Variants in QSOX2 observed in about 807,000 individuals in gnomAD.
QSOX2 encodes sulfhydryl oxidase 2.
A neutral mutation model predicts 61.7 loss-of-function variants in QSOX2; 46 were observed. That is an observed-to-expected ratio of 0.75 (90% CI 0.59 to 0.95). The LOEUF is 0.95. Among genes scored for constraint, QSOX2 ranks in the 40% least tolerant of loss-of-function variants. QSOX2 has a pLI of 0.00. For missense variants in QSOX2, 879 were observed against 918.9 expected, an observed-to-expected ratio of 0.96 and a Z score of 0.56; for synonymous variants, 383 against 388.4, an observed-to-expected ratio of 0.99 and a Z score of 0.16.
In QSOX2 at chr9:136,209,911, T is replaced by G; in HGVS notation, c.1550-636A>C. ...TTCCAGGCCCAACAGGCATCCGTCA[T>G]GCAGAAGCTGCGGCGCACGGCGCCT... On this transcript the variant is annotated intron_variant, in intron 11 of 11. Transcript: ENST00000358701. The surrounding 1 kb of genome is among the most constrained non-coding windows in gnomAD (Gnocchi z 5.6). 3.0e-6 allele frequency: 3 copies of G among 985,398 alleles called. No homozygotes were observed. The highest frequency in any genetic ancestry group is 3.6e-6 in the Non-Finnish European group (3 of 829,926). 61.0% of individuals were successfully genotyped at this position (985,398 alleles called of 1,614,324 possible). A position where few individuals can be genotyped will look rare whatever the true frequency, so the allele number is the denominator to read the frequency against.
intron 1 of QSOX2, among the ~76,000 whole-genome samples, chr9:136,236,572 G>A (rs1207984852): frequency 6.6e-6 from 1 of 151,946 alleles, no homozygotes; most frequent in Non-Finnish European, 1.5e-5. Flanking sequence ...AAAACCCAGC[G>A]TGCGCCCCGA....
At chr9:136,231,610 G>A (rs1349416048) in intron 1 of QSOX2, among the ~76,000 whole-genome samples, 1 of 152,244 alleles carries the variant, frequency 6.6e-6, no homozygotes. Flanking sequence ...CAGTGCTCAG[G>A]GGCTTGTGCG....
intron 1 of QSOX2, among the ~76,000 whole-genome samples, chr9:136,239,848 G>A (rs759660021): frequency 6.6e-6 from 1 of 152,250 alleles, no homozygotes; most frequent in Non-Finnish European, 1.5e-5. Context: ...CTGAACAGGC[G>A]CCAGGAGTAC....
rs138392420 is a variant in QSOX2 at position 136,209,947 on chromosome 9, G to A, written c.1550-672C>T. On this transcript the variant is annotated intron_variant, in intron 11 of 11. Coordinates refer to ENST00000358701, the MANE Select transcript of QSOX2 (RefSeq NM_181701.4). This position sits in a 1 kb window ranked among gnomAD's most constrained non-coding sequence, Gnocchi z 5.6. ...CGGCGCACGGCGCCTCCTAGCTCTCGGAGCCCCTGCGACCCGACTTGCTGA... is the reference window on the plus strand; with the variant it reads ...CGGCGCACGGCGCCTCCTAGCTCTCAGAGCCCCTGCGACCCGACTTGCTGA... 21,478 of 985,338 alleles carry A rather than the reference G, an allele frequency of 0.022. 233 individuals are homozygous for A. Among genetic ancestry groups the A allele is most frequent in the Middle Eastern group, 0.033 (63 of 1,914 alleles). The allele number at this position is 985,338 out of a possible 1,614,324, so 61.0% of individuals were successfully genotyped here.
chr9:136,218,562 A>C, intron 8 of QSOX2, 117 bp downstream of exon 8: 1 of 1,265,248 alleles, frequency 7.9e-7, no homozygotes, highest in Non-Finnish European at 1.1e-6. Context: ...CGACAAAGCA[A>C]GGTGGAGAGC....
At chr9:136,226,697 A>G (rs957382485) in intron 2 of QSOX2, 77 bp downstream of exon 2, 3 of 1,202,822 alleles carry the variant, frequency 2.5e-6, no homozygotes, top group Non-Finnish European at 3.7e-6. Flanking sequence ...TTCAACAGAC[A>G]AGCAGCCGCG....
At position 136,223,727 on chromosome 9, in the gene QSOX2, CACGTGTGA is replaced by C. The variant is rs757133855; in HGVS notation, c.675+28_675+35del. 6.5e-7 allele frequency: 1 copy of C among 1,545,268 alleles called. No homozygotes were observed. Among genetic ancestry groups the C allele is most frequent in the South Asian group, 1.1e-5 (1 of 89,030 alleles). ...GATCCACCGCCAACCCCAATCACACCACGTGTGACACCTGGAGCCCACGCAGAGGCCGT... is the reference window on the plus strand; with the variant it reads ...GATCCACCGCCAACCCCAATCACACCCACCTGGAGCCCACGCAGAGGCCGT... On this transcript the variant is annotated intron_variant, in intron 5 of 11. Coordinates refer to ENST00000358701, the MANE Select transcript of QSOX2 (RefSeq NM_181701.4). This position sits in a 1 kb window ranked among gnomAD's most constrained non-coding sequence, Gnocchi z 4.4.
intron 1 of QSOX2, among the ~76,000 whole-genome samples, chr9:136,241,771 C>A (rs1490775265): frequency 6.6e-6 from 1 of 152,236 alleles, no homozygotes; most frequent in African/African-American, 2.4e-5. Flanking sequence ...ACAACATAAG[C>A]GTTCCCGCCC....
intron 1 of QSOX2, among the ~76,000 whole-genome samples, chr9:136,239,218 C>T (rs2131070073): frequency 6.6e-6 from 1 of 152,336 alleles, no homozygotes; most frequent in Non-Finnish European, 1.5e-5. Context: ...GGTCTCACTC[C>T]GTCACCCAGG....
At chr9:136,215,442 A>G (rs1831901020) in intron 9 of QSOX2, 138 bp from the exon 10 acceptor site, 1 of 821,554 alleles carries the variant, frequency 1.2e-6, no homozygotes, top group South Asian at 1.8e-5. Flanking sequence ...AACTGTACAC[A>G]TAAGATCTGT....
intron 10 of QSOX2, among the ~76,000 whole-genome samples, chr9:136,213,996 T>A (rs1314989796): frequency 6.6e-6 from 1 of 152,218 alleles, no homozygotes; most frequent in African/African-American, 2.4e-5. Flanking sequence ...AGCCCCAGCA[T>A]TTTAGGTTAG....
At chr9:136,224,837 A>C (rs1345775410) in intron 3 of QSOX2, 24 bp downstream of exon 3, 1 of 1,540,550 alleles carries the variant, frequency 6.5e-7, no homozygotes, top group Non-Finnish European at 8.9e-7. Flanking sequence ...CTCAGGGACT[A>C]AAATACAATG....
chr9:136,236,692 A>C (rs1382000725), intron 1 of QSOX2, among the ~76,000 whole-genome samples: 1 of 151,364 alleles, frequency 6.6e-6, no homozygotes, highest in Non-Finnish European at 1.5e-5. Context: ...GCGACACCTG[A>C]AGCCAGTCCT....
Position 136,215,153 on chromosome 9 carries a change from C to T in QSOX2, c.1360+1G>A. On this transcript the variant is annotated splice_donor_variant, in intron 10 of 11. Transcript: ENST00000358701. LOFTEE classifies it high-confidence loss of function. Reference sequence around the variant, plus strand: ...CTCTGGCCTGTATGGGCACAGCTTACCTGTGCCAACCAGTGCATCTGGGTG... The same window carrying T: ...CTCTGGCCTGTATGGGCACAGCTTATCTGTGCCAACCAGTGCATCTGGGTG... 3 of 1,613,314 alleles carry T rather than the reference C, an allele frequency of 1.9e-6. No homozygotes were observed. Among genetic ancestry groups the T allele is most frequent in the South Asian group, 1.1e-5 (1 of 90,858 alleles).
chr9:136,223,078 A>AG lies in QSOX2; in HGVS notation c.675+684dup, dbSNP rs1830239358. 6.6e-6 allele frequency among the ~76,000 whole-genome samples: 1 copy of AG among 152,244 alleles called. No individual in the cohort carries two copies. On this transcript the variant is annotated intron_variant, in intron 5 of 11. Coordinates refer to ENST00000358701, the MANE Select transcript of QSOX2 (RefSeq NM_181701.4). This position sits in a 1 kb window ranked among gnomAD's most constrained non-coding sequence, Gnocchi z 4.4. Reference sequence around the variant, plus strand: ...CAAGTGCGTCTCCAAAAGCCCTCGCAGGGGCAAAGCTGTTTCCTACATTCA... The same window carrying AG: ...CAAGTGCGTCTCCAAAAGCCCTCGCAGGGGGCAAAGCTGTTTCCTACATTCA...
intron 2 of QSOX2, among the ~76,000 whole-genome samples, chr9:136,225,356 A>C (rs1253166702): frequency 6.6e-6 from 1 of 152,230 alleles, no homozygotes; most frequent in Non-Finnish European, 1.5e-5. Flanking sequence ...AACTTTCTTC[A>C]TCAAAGGGTA....
chr9:136,245,615 C>T lies in QSOX2; in HGVS notation c.189G>A (p.Val63=). The change falls in exon 1 of 12, where the codon GTG becomes GTA. Residue 63 remains valine (V), a synonymous_variant. Coordinates refer to ENST00000358701, the MANE Select transcript of QSOX2 (RefSeq NM_181701.4). The part of the protein sequence containing the change: ...ARLYRAGEDA[V]WVLDSGSVRG... ...GCACGCTGCCGCTGTCCAGCACCCA[C>T]ACGGCGTCCTCGCCCGCGCGGTACA... The T allele has an allele frequency of 6.5e-7, 1 of 1,546,300 alleles. No individual in the cohort carries two copies. The highest frequency in any genetic ancestry group is 8.6e-7 in the Non-Finnish European group (1 of 1,157,012).
At chr9:136,243,600 AC>A (rs1830449019) in intron 1 of QSOX2, among the ~76,000 whole-genome samples, 1 of 152,228 alleles carries the variant, frequency 6.6e-6, no homozygotes, top group South Asian at 2.1e-4. Flanking sequence ...AATCAAATTA[AC>A]GTGACTGCCT....
rs1194678172 is a variant in QSOX2, at chr9:136,245,551, G to A, written c.253C>T (p.Gln85Ter). The stretch of plus-strand genomic sequence containing the variant: ...TGGCCACACCACGACGAGTAGAACT[G>A]CACGAGCCACGCGGCCGAGCTGTTG... ...TANSSAAWLV[Q>*]FYSSWCGHCI... The change falls in exon 1 of 12, where the codon CAG (glutamine) becomes TAG (stop). Residue 85 changes from glutamine (Q) to a stop codon, truncating the protein, a stop_gained. Coordinates refer to ENST00000358701, the MANE Select transcript of QSOX2 (RefSeq NM_181701.4). LOFTEE classifies it high-confidence loss of function. The A allele has an allele frequency of 7.6e-6, 12 of 1,584,278 alleles. No homozygotes were observed. The highest frequency in any genetic ancestry group is 9.4e-6 in the Non-Finnish European group (11 of 1,174,020).
Sources: gnomAD v4.1 joint callset for allele counts (sites outside exome capture counted in the v4.1 genomes callset) on GRCh38, gnomAD v4.1.1 for gene constraint, Gnocchi (gnomAD v3.1) non-coding constraint, MANE v1.5 for transcripts, NCBI Gene and HGNC (gene_info 2026-07-23, HGNC 2026-07-21) for gene names.